The following ADGRA3 variants were observed in gnomAD, a reference collection of about 807,000 sequenced individuals.
ADGRA3 encodes G-protein coupled receptor 125.
In ADGRA3, 56 loss-of-function variants were observed where a neutral mutation model predicts 119.8. The ratio of observed to expected loss-of-function variants is 0.47; its 90% CI spans 0.38 to 0.58. The LOEUF is 0.58. ADGRA3 is among the 20% of genes least tolerant of loss of function. The pLI is 0.00. For synonymous variants in ADGRA3, 607 were observed against 623.8 expected, an observed-to-expected ratio of 0.97 and a Z score of 0.40; for missense variants, 1,516 against 1,649.0, an observed-to-expected ratio of 0.92 and a Z score of 1.40.
intron 14 of ADGRA3, among the ~76,000 whole-genome samples, chr4:22,406,950 A>G (rs1048744383): frequency 6.6e-6 from 1 of 152,118 alleles, no homozygotes; most frequent in Non-Finnish European, 1.5e-5. Context: ...TCCCACCTTT[A>G]AAAAAATCTG....
At position 22,424,285 on chromosome 4, in the gene ADGRA3, G is replaced by A. The variant is rs766992855; in HGVS notation, c.1511C>T (p.Ala504Val). The change falls in exon 11 of 19, where the codon GCG (alanine) becomes GTG (valine). Residue 504 changes from alanine (A) to valine (V), a missense_variant. Ala to Val is a moderately conservative substitution (Grantham distance 64). Around this residue, in one of 2 missense-constraint regions of ADGRA3, gnomAD observed 1,088 missense variants for 1,107.1 expected, o/e 0.98. Coordinates refer to ENST00000334304, the MANE Select transcript of ADGRA3 (RefSeq NM_145290.4). Reference protein sequence around the residue: ...MLADERVLWLAQREAKACSRI... With the variant: ...MLADERVLWLVQREAKACSRI... ...ACTGCAGGCTTTAGCTTCCCTCTGC[G>A]CCAGCCACAGGACACGTTCATCAGC... 7 of 1,613,642 alleles carry A rather than the reference G, an allele frequency of 4.3e-6. No homozygotes were observed. The highest frequency in any genetic ancestry group is 2.7e-5 in the African/African-American group (2 of 74,926).
At chr4:22,491,156 A>T (rs191485920) in intron 1 of ADGRA3, among the ~76,000 whole-genome samples, 22 of 152,352 alleles carry the variant, frequency 1.4e-4, no homozygotes, top group Admixed American at 3.9e-4. Flanking sequence ...GAGAGCAATG[A>T]GCACAAGGTC....
Position 22,420,889 on chromosome 4 carries a change from T to C in ADGRA3, c.1806A>G (p.Leu602=). Residue 602 remains leucine, a synonymous_variant, in exon 12 of 19, where the codon CTA becomes CTG. Coordinates refer to ENST00000334304, the MANE Select transcript of ADGRA3 (RefSeq NM_145290.4). ...ATGATTGCAGAATGTAACATACCTT[T>C]AGTGCCAGACTCGAAAATGTATTTG... ...NVSNTFSSLA[L]KNTIVEASIQ... The C allele has an allele frequency of 6.2e-7, 1 of 1,613,246 alleles. No homozygotes were observed. The highest frequency in any genetic ancestry group is 8.5e-7 in the Non-Finnish European group (1 of 1,179,192).
intron 10 of ADGRA3, among the ~76,000 whole-genome samples, chr4:22,425,170 T>C: frequency 6.6e-6 from 1 of 151,818 alleles, no homozygotes; most frequent in East Asian, 1.9e-4. Context: ...TACTGCTACG[T>C]CCTTGTATGT....
intron 2 of ADGRA3, among the ~76,000 whole-genome samples, chr4:22,472,801 A>G (rs1172455314): frequency 6.6e-6 from 1 of 152,184 alleles, no homozygotes; most frequent in Non-Finnish European, 1.5e-5. Context: ...GAGAAAAATG[A>G]GGACAGTGTG....
intron 2 of ADGRA3, among the ~76,000 whole-genome samples, chr4:22,462,835 T>G (rs1345617976): frequency 6.6e-6 from 1 of 152,232 alleles, no homozygotes. Flanking sequence ...CCTCTACTCC[T>G]GTGGTTTTGC....
At chr4:22,424,123 C>T (rs775200700) in intron 11 of ADGRA3, 68 bp downstream of exon 11, 1 of 1,371,544 alleles carries the variant, frequency 7.3e-7, no homozygotes, top group South Asian at 1.7e-5. Context: ...AGACACCTAT[C>T]TCTTTCGGGT....
chr4:22,391,535 C>A (rs1004455079), intron 17 of ADGRA3, among the ~76,000 whole-genome samples: 3 of 152,164 alleles, frequency 2.0e-5, no homozygotes, highest in Admixed American at 6.5e-5. Flanking sequence ...TGACACTGTT[C>A]TGGTCTTCAT....
intron 2 of ADGRA3, among the ~76,000 whole-genome samples, chr4:22,468,954 T>A (rs1210479933): frequency 6.6e-6 from 1 of 152,034 alleles, no homozygotes; most frequent in Non-Finnish European, 1.5e-5. Context: ...AATAATAATG[T>A]TTTTTAGCAA....
intron 10 of ADGRA3, among the ~76,000 whole-genome samples, chr4:22,434,981 G>C (rs1414741440): frequency 2.0e-5 from 3 of 152,214 alleles, no homozygotes; most frequent in African/African-American, 7.2e-5. Context: ...GATATGTGGA[G>C]AAGAGAAATC....
rs759901739 is a variant in ADGRA3 at position 22,447,455 on chromosome 4, G to A, written c.530C>T (p.Ala177Val). Residue 177 changes from alanine to valine, a missense_variant, in exon 5 of 19, where the codon GCG becomes GTG. Ala to Val is a moderately conservative substitution (Grantham distance 64). Coordinates refer to ENST00000334304, the MANE Select transcript of ADGRA3 (RefSeq NM_145290.4). ...TCTTACTTACAAAGACCGTAATGACGCAAGATAATCAAAAGTTCCTTGAGA... is the reference window on the plus strand; with the variant it reads ...TCTTACTTACAAAGACCGTAATGACACAAGATAATCAAAAGTTCCTTGAGA... Reference protein sequence around the residue: ...SLSQGTFDYLASLRSLEFQTE... With the variant: ...SLSQGTFDYLVSLRSLEFQTE... The A allele has an allele frequency of 1.2e-5, 19 of 1,563,668 alleles. No individual in the cohort carries two copies. Among genetic ancestry groups the A allele is most frequent in the Admixed American group, 5.7e-5 (3 of 52,370 alleles).
rs746410660 is a variant in ADGRA3, at chr4:22,454,963, T to C, written c.402-26A>G. On this transcript the variant is annotated intron_variant, in intron 3 of 18. Transcript: ENST00000334304. ...CTAAGGAGAAGGGTGGAAAAGTGTC[T>C]TCAATTAGTTCTCTTGGTTAAAGAA... 5.9e-6 allele frequency: 9 copies of C among 1,529,404 alleles called. No individual in the cohort carries two copies. The East Asian group carries it at 1.8e-4, about 31-fold the overall frequency. 94.7% of individuals were successfully genotyped at this position (1,529,404 alleles called of 1,614,324 possible). A position where few individuals can be genotyped will look rare whatever the true frequency, so the allele number is the denominator to read the frequency against.
At chr4:22,472,753 C>T (rs1717899653) in intron 2 of ADGRA3, among the ~76,000 whole-genome samples, 1 of 152,038 alleles carries the variant, frequency 6.6e-6, no homozygotes, top group Non-Finnish European at 1.5e-5. Flanking sequence ...AAAGGCCACG[C>T]AGAGAAGTGG....
chr4:22,455,742 A>G, intron 3 of ADGRA3: 1 of 974,696 alleles, frequency 1.0e-6, no homozygotes, highest in Non-Finnish European at 1.4e-6. Context: ...TTAATCAGAC[A>G]CCTGCACTGG....
chr4:22,416,340 T>C (rs1715429481), intron 12 of ADGRA3, among the ~76,000 whole-genome samples: 1 of 152,184 alleles, frequency 6.6e-6, no homozygotes, highest in African/African-American at 2.4e-5. Context: ...TTAAGATCCT[T>C]TGGGAAAAAC....
chr4:22,515,618 G>C lies in ADGRA3; in HGVS notation c.167C>G (p.Ala56Gly). The C allele has an allele frequency of 6.5e-7, 1 of 1,539,328 alleles. No homozygotes were observed. The highest frequency in any genetic ancestry group is 1.9e-5 in the Admixed American group (1 of 51,710). ...CACCACCTTGCCCTCGGCGGCGCCCGCCGCCCTGCCAGCCCCTCGGGGCCG... is the reference window on the plus strand; with the variant it reads ...CACCACCTTGCCCTCGGCGGCGCCCCCCGCCCTGCCAGCCCCTCGGGGCCG... ...DGRPRGAGRA[A>G]GAAEGKVVCS... The change falls in exon 1 of 19, where the codon GCG becomes GGG. Residue 56 changes from alanine (A) to glycine (G), a missense_variant. Transcript: ENST00000334304.
intron 16 of ADGRA3, among the ~76,000 whole-genome samples, chr4:22,398,994 A>C (rs748440940): frequency 6.6e-6 from 1 of 152,236 alleles, no homozygotes; most frequent in South Asian, 2.1e-4. Context: ...CCAACTATGT[A>C]AAAGGATCCT....
At chr4:22,471,771 T>C (rs1381666707) in intron 2 of ADGRA3, among the ~76,000 whole-genome samples, 1 of 152,194 alleles carries the variant, frequency 6.6e-6, no homozygotes, top group Non-Finnish European at 1.5e-5. Flanking sequence ...TATTTATCTC[T>C]GTGGTCCCAA....
intron 7 of ADGRA3, among the ~76,000 whole-genome samples, chr4:22,438,752 C>G (rs1716495872): frequency 6.6e-6 from 1 of 152,130 alleles, no homozygotes; most frequent in Middle Eastern, 3.4e-3. Flanking sequence ...TCCCAGCACT[C>G]TGGGAGACAG....
Sources: allele counts gnomAD v4.1 joint callset (sites outside exome capture counted in the v4.1 genomes callset), GRCh38; gene constraint gnomAD v4.1.1; regional missense constraint gnomAD v4.1.1; transcripts MANE v1.5; gene names NCBI Gene and HGNC (gene_info 2026-07-23, HGNC 2026-07-21).